Variants in XPNPEP3 observed in about 807,000 individuals in gnomAD.
XPNPEP3 encodes xaa-Pro aminopeptidase 3.
In XPNPEP3, 41 loss-of-function variants were observed where a neutral mutation model predicts 60.0. That is an observed-to-expected ratio of 0.68 (90% confidence interval 0.53 to 0.89). XPNPEP3 has a LOEUF of 0.89. Ranked by LOEUF, XPNPEP3 falls within the 40% of genes least tolerant of loss-of-function variation. XPNPEP3 has a pLI of 0.00. For missense variants in XPNPEP3, 598 were observed against 638.9 expected, an observed-to-expected ratio of 0.94 and a Z score of 0.69; for synonymous variants, 212 against 223.2, an observed-to-expected ratio of 0.95 and a Z score of 0.45.
intron 4 of XPNPEP3, among the ~76,000 whole-genome samples, chr22:40,907,375 C>T (rs902367495): frequency 5.3e-5 from 8 of 151,830 alleles, no homozygotes; most frequent in African/African-American, 1.7e-4. Context: ...GAGCCGAGAT[C>T]GCGCCACTGC....
chr22:40,857,317 C>G (rs897725120), intron 1 of XPNPEP3, 72 bp downstream of exon 1: 2 of 1,534,660 alleles, frequency 1.3e-6, no homozygotes, highest in Admixed American at 3.6e-5. Context: ...CAGGCGATCC[C>G]TGGTTCGGCT....
chr22:40,908,807 T>G (rs943709049), intron 5 of XPNPEP3, among the ~76,000 whole-genome samples: 12 of 152,214 alleles, frequency 7.9e-5, no homozygotes, highest in African/African-American at 2.9e-4. Flanking sequence ...TAGTTTTCTA[T>G]CTTCTAGACT....
At chr22:40,861,002 A>G (rs2057940918) in intron 1 of XPNPEP3, 2 of 1,474,580 alleles carry the variant, frequency 1.4e-6, no homozygotes, top group East Asian at 2.3e-5. Context: ...GTTATCTACA[A>G]AATTTGTGAT....
chr22:40,858,116 T>A (rs1300860820), intron 1 of XPNPEP3, among the ~76,000 whole-genome samples: 1 of 152,206 alleles, frequency 6.6e-6, no homozygotes, highest in Non-Finnish European at 1.5e-5. Flanking sequence ...AATTTTTCAG[T>A]CTTTTTTTGA....
chr22:40,917,317 A>G (rs1236577742), intron 7 of XPNPEP3: 1 of 152,070 alleles, frequency 6.6e-6, no homozygotes, highest in African/African-American at 2.4e-5. Context: ...CTGATCAGTA[A>G]TGGGAACAAG....
At chr22:40,868,851 A>C (rs2057991826) in intron 1 of XPNPEP3, 148 bp from the exon 2 acceptor site, 2 of 676,020 alleles carry the variant, frequency 3.0e-6, no homozygotes, top group Non-Finnish European at 2.6e-6. Context: ...GTCTTAAAAA[A>C]AAAATAAATG....
chr22:40,860,497 T>C, intron 1 of XPNPEP3: 1 of 486,098 alleles, frequency 2.1e-6, no homozygotes, highest in Non-Finnish European at 3.3e-6. Context: ...AATAATTGTG[T>C]AGTCTGAACC....
intron 4 of XPNPEP3, among the ~76,000 whole-genome samples, chr22:40,897,185 G>A (rs990210309): frequency 4.0e-5 from 6 of 151,740 alleles, no homozygotes; most frequent in Admixed American, 1.3e-4. Context: ...CCGCCATCAC[G>A]CCCGGCTAAT....
chr22:40,862,728 T>A, intron 1 of XPNPEP3: 2 of 985,452 alleles, frequency 2.0e-6, no homozygotes, highest in Non-Finnish European at 2.4e-6. Context: ...GGTTTACTGC[T>A]GTAAAACATG....
chr22:40,884,470 C>T (rs1455965594), intron 3 of XPNPEP3, among the ~76,000 whole-genome samples: 2 of 151,578 alleles, frequency 1.3e-5, no homozygotes, highest in Non-Finnish European at 2.9e-5. Context: ...GCTGGGGTTA[C>T]AGGCACGCGC....
At position 40,869,001 on chromosome 22, in the gene XPNPEP3, T is replaced by A; in HGVS notation, c.67T>A (p.Cys23Ser). 1.2e-6 allele frequency: 2 copies of A among 1,611,346 alleles called. No homozygotes were observed. The highest frequency in any genetic ancestry group is 1.7e-6 in the Non-Finnish European group (2 of 1,177,454). The change falls in exon 2 of 10, where the codon TGT becomes AGT. Residue 23 changes from cysteine to serine, a missense_variant and splice_region_variant. Physicochemically the swap from Cys to Ser is moderately radical, Grantham distance 112. Transcript: ENST00000357137. ...CATTCTCTTTATTCTTCATTCAGGA[T>A]GTATGTTGTGTTCACAGCGAAGGTA... is the stretch of plus-strand genomic sequence containing the variant. ...AVANVRGLSG[C>S]MLCSQRRYSL...
At chr22:40,915,862 C>A (rs1443310640) in intron 7 of XPNPEP3, among the ~76,000 whole-genome samples, 1 of 152,180 alleles carries the variant, frequency 6.6e-6, no homozygotes, top group Non-Finnish European at 1.5e-5. Flanking sequence ...CAGCTAGAAG[C>A]AGAATAAACT....
Position 40,905,937 on chromosome 22 carries a change from G to A in XPNPEP3, c.793-1650G>A, listed in dbSNP as rs561148027. 2.0e-5 allele frequency among the ~76,000 whole-genome samples: 3 copies of A among 152,130 alleles called. No homozygotes were observed. The South Asian group carries it at 6.3e-4, about 32-fold the overall frequency. Reference sequence around the variant, plus strand: ...CTCCTGAGTAGCTGGGATTACAGGTGCACACCACCATACCCAGCTGATTTT... The same window carrying A: ...CTCCTGAGTAGCTGGGATTACAGGTACACACCACCATACCCAGCTGATTTT... On this transcript the variant is annotated intron_variant, in intron 4 of 9. Transcript: ENST00000357137.
chr22:40,884,554 G>A (rs1388888519), intron 3 of XPNPEP3, among the ~76,000 whole-genome samples: 2 of 150,438 alleles, frequency 1.3e-5, no homozygotes, highest in Non-Finnish European at 1.5e-5. Flanking sequence ...GGCTGGTCTC[G>A]AACTCCTGAC....
chr22:40,872,008 G>A (rs534032405), intron 2 of XPNPEP3, among the ~76,000 whole-genome samples: 1 of 152,138 alleles, frequency 6.6e-6, no homozygotes, highest in South Asian at 2.1e-4. Flanking sequence ...ACTCCAGCTT[G>A]GGCAACAGAG....
intron 6 of XPNPEP3, among the ~76,000 whole-genome samples, chr22:40,912,969 A>G (rs2058182162): frequency 6.6e-6 from 1 of 152,120 alleles, no homozygotes; most frequent in African/African-American, 2.4e-5. Context: ...GAAAAATCAC[A>G]TCCATCATTT....
Position 40,922,267 on chromosome 22 carries a change from T to C in XPNPEP3, c.1056-66T>C. 1.9e-6 allele frequency: 3 copies of C among 1,596,458 alleles called. No homozygotes were observed. The South Asian group carries it at 3.3e-5, about 18-fold the overall frequency. ...CATCTTGGGGTTTTTCTAATCAAAC[T>C]TAGTAGCAAACTTCTTAGAATATCA... On this transcript the variant is annotated intron_variant, in intron 7 of 9. Transcript: ENST00000357137.
chr22:40,872,195 TTC>T (rs2058008633), intron 2 of XPNPEP3, among the ~76,000 whole-genome samples: 1 of 152,344 alleles, frequency 6.6e-6, no homozygotes, highest in South Asian at 2.1e-4. Flanking sequence ...AGAAATTCTG[TTC>T]TGGCTGTGCT....
At position 40,864,894 on chromosome 22, in the gene XPNPEP3, C is replaced by T. The variant is rs562466586; in HGVS notation, c.65-4105C>T. Among the ~76,000 whole-genome samples, 66 of 152,290 alleles carry T rather than the reference C, an allele frequency of 4.3e-4. No homozygotes were observed. The South Asian group carries it at 0.014, about 32-fold the overall frequency. ...TAGGTCTTAGCCTTATTTTACCAAA[C>T]CCCTACTGAAGATGGAGTTGCTCTG... On this transcript the variant is annotated intron_variant, in intron 1 of 9. Transcript: ENST00000357137.
Sources: allele counts gnomAD v4.1 joint callset (sites outside exome capture counted in the v4.1 genomes callset), GRCh38; gene constraint gnomAD v4.1.1; transcripts MANE v1.5; gene names NCBI Gene and HGNC (gene_info 2026-07-23, HGNC 2026-07-21).